Variants in DYSF observed in about 807,000 individuals in gnomAD.
DYSF encodes dystrophy-associated fer-1-like 1.
A neutral mutation model predicts 274.9 loss-of-function variants in DYSF; 212 were observed. That is an observed-to-expected ratio of 0.77 (90% confidence interval 0.69 to 0.86). The LOEUF (loss-of-function observed/expected upper bound fraction) is 0.86. Among genes scored for constraint, DYSF ranks in the 40% least tolerant of loss-of-function variants. DYSF has a pLI of 0.00. For missense variants in DYSF, 2,666 were observed against 2,783.2 expected (o/e 0.96, Z 0.95); for synonymous variants, 1,091 against 1,078.7 (o/e 1.01, Z -0.22).
rs527914160 is a variant in DYSF, at chr2:71,642,722, G to A, written c.4528-1243G>A. On this transcript the variant is annotated intron_variant, in intron 41 of 55. Transcript: ENST00000410020. ...TGTGTTAGGACCACACTTCCAGGAC[G>A]GGTGGAGACTCGAGAACCTCATCCT... 9.2e-5 allele frequency among the ~76,000 whole-genome samples: 14 copies of A among 152,322 alleles called. No homozygotes were observed. In the East Asian group the frequency reaches 2.5e-3, roughly 27 times the overall value.
intron 42 of DYSF, among the ~76,000 whole-genome samples, chr2:71,649,274 C>T (rs996830299): frequency 6.6e-6 from 1 of 150,682 alleles, no homozygotes; most frequent in Admixed American, 6.6e-5. Context: ...GTAAAACTGA[C>T]AAAAATTAGG....
Position 71,579,295 on chromosome 2 carries a change from G to C in DYSF, c.3402+4924G>C, listed in dbSNP as rs1247146340. 2.0e-5 allele frequency among the ~76,000 whole-genome samples: 3 copies of C among 152,270 alleles called. No individual in the cohort carries two copies. The East Asian group carries it at 5.8e-4, about 29-fold the overall frequency. On this transcript the variant is annotated intron_variant, in intron 30 of 55. Transcript: ENST00000410020. ...TGCCTCTGTGCTTGGCTTGAGTGTT[G>C]GGAAAGGTTCTCTGAGATGCCTGGG...
intron 21 of DYSF, among the ~76,000 whole-genome samples, chr2:71,555,062 A>AGCATGGC (rs11282951): frequency 0.037 from 5,642 of 151,922 alleles, 143 homozygotes; most frequent in Middle Eastern, 0.065. Context: ...TGGGGAGGTG[A>AGCATGGC]GCATGGCTTG....
chr2:71,619,739 C>T (rs975038994), intron 40 of DYSF, among the ~76,000 whole-genome samples: 4 of 152,170 alleles, frequency 2.6e-5, no homozygotes, highest in Non-Finnish European at 4.4e-5. Context: ...GCCTAGCATG[C>T]GTCTTCTCAC....
At chr2:71,621,822 G>A (rs6546709) in intron 41 of DYSF, among the ~76,000 whole-genome samples, 108,435 of 151,764 alleles carry the variant, frequency 0.71, 40,875 homozygotes, top group East Asian at 0.87. Context: ...ACCACACGTG[G>A]CTAATTTTTT....
Position 71,481,984 on chromosome 2 carries a change from AG to A in DYSF, c.239+20del, listed in dbSNP as rs761429334. The A allele has an allele frequency of 8.1e-6, 13 of 1,609,924 alleles. No homozygotes were observed. The highest frequency in any genetic ancestry group is 1.3e-5 in the African/African-American group (1 of 74,952). On this transcript the variant is annotated intron_variant, in intron 3 of 55. Transcript: ENST00000410020. ...GGGGAGGAACAGGTAAGGTGGCCAG[AG>A]GGGGGTGCTCCATGGCTTGAAGGTG...
chr2:71,552,912 C>A, intron 19 of DYSF, 99 bp from the exon 20 acceptor site: 2 of 1,279,830 alleles, frequency 1.6e-6, no homozygotes, highest in Non-Finnish European at 2.2e-6. Context: ...CTATTGGGTG[C>A]CGGTTATGGC....
chr2:71,586,388 A>T (rs535943436), intron 30 of DYSF, among the ~76,000 whole-genome samples: 43 of 152,098 alleles, frequency 2.8e-4, no homozygotes, highest in African/African-American at 9.2e-4. Context: ...TGGGTGGCAG[A>T]TGGGGTGAGG....
intron 43 of DYSF, among the ~76,000 whole-genome samples, chr2:71,656,869 C>T (rs768017137): frequency 6.6e-6 from 1 of 152,182 alleles, no homozygotes; most frequent in African/African-American, 2.4e-5. Context: ...CTGGGAGATA[C>T]AATTGGAGTT....
At chr2:71,504,022 C>G (rs1419126855) in intron 4 of DYSF, among the ~76,000 whole-genome samples, 1 of 152,228 alleles carries the variant, frequency 6.6e-6, no homozygotes, top group Non-Finnish European at 1.5e-5. Context: ...GGGATTCAGG[C>G]CCTGACTTGT....
intron 22 of DYSF, among the ~76,000 whole-genome samples, chr2:71,557,718 T>G (rs895567751): frequency 6.6e-6 from 1 of 152,150 alleles, no homozygotes; most frequent in African/African-American, 2.4e-5. Context: ...GTCCTAAGAA[T>G]TTTACATGTA....
intron 29 of DYSF, chr2:71,570,964 A>G (rs1018954768): frequency 1.7e-6 from 1 of 592,410 alleles, no homozygotes; most frequent in Non-Finnish European, 2.9e-6. Flanking sequence ...CACACCCAGC[A>G]TACACACAGA....
chr2:71,658,384 C>G (rs2094815060), intron 43 of DYSF, among the ~76,000 whole-genome samples: 1 of 152,212 alleles, frequency 6.6e-6, no homozygotes, highest in African/African-American at 2.4e-5. Flanking sequence ...CTGAGCCCTC[C>G]AAACTGTTCC....
intron 30 of DYSF, 51 bp from the exon 31 acceptor site, chr2:71,589,542 C>A: frequency 6.9e-7 from 1 of 1,458,778 alleles, no homozygotes. Flanking sequence ...GTCTCCCTGC[C>A]ACCCCCAGGC....
rs1206902174 is a variant in DYSF, at chr2:71,551,037, C to T, written c.1577-4C>T. On this transcript the variant is annotated splice_region_variant and splice_polypyrimidine_tract_variant and intron_variant, in intron 17 of 55. Transcript: ENST00000410020. ...CCCCTCTGATTGCCACTTGTGTCTC[C>T]CAGTGGATGACTACCTGGGCTTCCT... 5 of 1,613,748 alleles carry T rather than the reference C, an allele frequency of 3.1e-6. No individual in the cohort carries two copies. The East Asian group carries it at 6.7e-5, about 22-fold the overall frequency.
chr2:71,638,597 A>G (rs1218565139), intron 41 of DYSF, among the ~76,000 whole-genome samples: 2 of 152,194 alleles, frequency 1.3e-5, no homozygotes, highest in Non-Finnish European at 2.9e-5. Context: ...GTCTTTTGTG[A>G]TTAAATTCTT....
At chr2:71,668,131 G>C (rs17430216) in intron 48 of DYSF, among the ~76,000 whole-genome samples, 21,594 of 152,118 alleles carry the variant, frequency 0.14, 1,681 homozygotes, top group South Asian at 0.19. Context: ...AGGCCAAAGT[G>C]AGCCATGAGG....
chr2:71,645,285 T>G (rs781708074), intron 42 of DYSF, among the ~76,000 whole-genome samples: 1 of 152,156 alleles, frequency 6.6e-6, no homozygotes, highest in Non-Finnish European at 1.5e-5. Context: ...TCTCAGCAGA[T>G]TGGGGAGCCA....
Position 71,686,640 on chromosome 2 carries a change from C to A in DYSF, c.*148C>A. The A allele has an allele frequency of 1.1e-6, 1 of 904,862 alleles. No homozygotes were observed. Among genetic ancestry groups the A allele is most frequent in the Non-Finnish European group, 1.8e-6 (1 of 553,826 alleles). 56.1% of individuals were successfully genotyped at this position (904,862 alleles called of 1,614,324 possible). A position where few individuals can be genotyped will look rare whatever the true frequency, so the allele number is the denominator to read the frequency against. Reference sequence around the variant, plus strand: ...GCAGACAGACAGATGGACCGGCCCACACTCCCAGAGTTGCTAACATGGAGC... The same window carrying A: ...GCAGACAGACAGATGGACCGGCCCAAACTCCCAGAGTTGCTAACATGGAGC... On this transcript the variant is annotated 3_prime_UTR_variant, in exon 56 of 56. Coordinates refer to ENST00000410020, the MANE Select transcript of DYSF (RefSeq NM_001130987.2).
Sources: gnomAD v4.1 joint callset for allele counts (sites outside exome capture counted in the v4.1 genomes callset) on GRCh38, gnomAD v4.1.1 for gene constraint, MANE v1.5 for transcripts, NCBI Gene and HGNC (gene_info 2026-07-23, HGNC 2026-07-21) for gene names.